Variants in FARS2 observed in about 807,000 individuals in gnomAD.
The protein encoded by FARS2 is phenylalanine--tRNA ligase, mitochondrial.
A neutral mutation model predicts 46.4 loss-of-function variants in FARS2; 40 were observed. That is an observed-to-expected ratio of 0.86 (90% CI 0.67 to 1.12). The LOEUF is 1.12. Among genes scored for constraint, FARS2 ranks in the 50% most tolerant of loss-of-function variants. The pLI, the probability that FARS2 is intolerant of heterozygous loss-of-function variation, is 0.00. For synonymous variants in FARS2, 234 were observed against 214.9 expected, an observed-to-expected ratio of 1.09 and a Z score of -0.78; for missense variants, 513 against 567.9, an observed-to-expected ratio of 0.90 and a Z score of 0.98.
chr6:5,407,055 ATATATATATAT>A (rs373058967), intron 3 of FARS2, among the ~76,000 whole-genome samples: 12 of 138,050 alleles, frequency 8.7e-5, no homozygotes, highest in South Asian at 7.4e-4. Context: ...ATATATATAT[ATATATATATAT>A]AATGACCAAT....
At chr6:5,300,278 G>C (rs1768204072) in intron 1 of FARS2, among the ~76,000 whole-genome samples, 1 of 152,178 alleles carries the variant, frequency 6.6e-6, no homozygotes, top group Non-Finnish European at 1.5e-5. Flanking sequence ...ATGTGTCTCT[G>C]TGTGTACATG....
At chr6:5,453,988 G>A (rs1326722272) in intron 4 of FARS2, among the ~76,000 whole-genome samples, 1 of 152,168 alleles carries the variant, frequency 6.6e-6, no homozygotes, top group Non-Finnish European at 1.5e-5. Flanking sequence ...GTTTAACAAG[G>A]AGGGATGCTT....
At chr6:5,302,061 C>T (rs1005380467) in intron 1 of FARS2, among the ~76,000 whole-genome samples, 1 of 152,202 alleles carries the variant, frequency 6.6e-6, no homozygotes, top group African/African-American at 2.4e-5. Flanking sequence ...TGCCCACCTA[C>T]CCTCTTTGTC....
At chr6:5,575,252 A>T (rs970564595) in intron 5 of FARS2, among the ~76,000 whole-genome samples, 1 of 152,342 alleles carries the variant, frequency 6.6e-6, no homozygotes, top group Non-Finnish European at 1.5e-5. Flanking sequence ...ACCATAGACC[A>T]TCACCTTGTT....
chr6:5,526,835 TC>T (rs1412496787), intron 4 of FARS2, among the ~76,000 whole-genome samples: 3 of 152,146 alleles, frequency 2.0e-5, no homozygotes, highest in Non-Finnish European at 4.4e-5. Flanking sequence ...CAGGCTGGTC[TC>T]AAACTCCTGA....
chr6:5,686,106 C>T (rs1235850243), intron 6 of FARS2, among the ~76,000 whole-genome samples: 1 of 152,144 alleles, frequency 6.6e-6, no homozygotes, highest in Non-Finnish European at 1.5e-5. Flanking sequence ...CATTTCTTAG[C>T]ACAGTGCCTG....
At chr6:5,739,016 C>T (rs1164853052) in intron 6 of FARS2, among the ~76,000 whole-genome samples, 1 of 152,206 alleles carries the variant, frequency 6.6e-6, no homozygotes, top group African/African-American at 2.4e-5. Context: ...CTTATCACAC[C>T]TGCTCTCCTT....
chr6:5,721,089 C>A (rs1266329342), intron 6 of FARS2, among the ~76,000 whole-genome samples: 6 of 152,102 alleles, frequency 3.9e-5, no homozygotes, highest in African/African-American at 1.4e-4. Context: ...TTAAGTAAAA[C>A]ATTTTAAAAG....
At chr6:5,444,092 CGTGTGTGTGT>C (rs35213574) in intron 4 of FARS2, among the ~76,000 whole-genome samples, 6 of 146,204 alleles carry the variant, frequency 4.1e-5, no homozygotes, top group East Asian at 2.0e-4. Flanking sequence ...GGAAGATCCT[CGTGTGTGTGT>C]GTGTGTGTGT....
intron 2 of FARS2, among the ~76,000 whole-genome samples, chr6:5,397,584 T>C (rs1019329790): frequency 6.6e-6 from 1 of 152,198 alleles, no homozygotes; most frequent in Non-Finnish European, 1.5e-5. Context: ...CCTCTCAGTT[T>C]TGCTGTGAAC....
rs550139178 is a variant in FARS2 at position 5,765,752 on chromosome 6, C to A, written c.1218-5539C>A. Reference sequence around the variant, plus strand: ...GAACAGTCCTTTGCTCAGCCGGCTCCTGGGTTTCTGCAGGACCTCAGCAGG... The same window carrying A: ...GAACAGTCCTTTGCTCAGCCGGCTCATGGGTTTCTGCAGGACCTCAGCAGG... On this transcript the variant is annotated intron_variant, in intron 6 of 6. Transcript: ENST00000274680. This position sits in a 1 kb window ranked among gnomAD's most constrained non-coding sequence, Gnocchi z 4.0. Among the ~76,000 whole-genome samples the A allele has an allele frequency of 6.6e-6, 1 of 152,186 alleles. No homozygotes were observed. Among genetic ancestry groups the A allele is most frequent in the Non-Finnish European group, 1.5e-5 (1 of 68,028 alleles).
intron 2 of FARS2, among the ~76,000 whole-genome samples, chr6:5,393,133 G>A (rs1760677497): frequency 6.6e-6 from 1 of 151,922 alleles, no homozygotes; most frequent in Non-Finnish European, 1.5e-5. Context: ...TACCTACATG[G>A]ATATACTAGT....
At chr6:5,738,102 C>T (rs149654018) in intron 6 of FARS2, among the ~76,000 whole-genome samples, 1 of 152,288 alleles carries the variant, frequency 6.6e-6, no homozygotes, top group African/African-American at 2.4e-5. Context: ...AGATGCACAC[C>T]ACCACGCCCA....
chr6:5,359,378 A>G (rs887200178), intron 1 of FARS2, among the ~76,000 whole-genome samples: 16 of 152,120 alleles, frequency 1.1e-4, no homozygotes, highest in Non-Finnish European at 1.6e-4. Context: ...GGCATGGTAT[A>G]TTGAGATAAT....
At chr6:5,260,505 C>T (rs1181025719), upstream of FARS2, 6 of 1,150,876 alleles carry the variant, frequency 5.2e-6, no homozygotes, top group African/African-American at 1.6e-5. Flanking sequence ...GCACGCTTTT[C>T]GATGGCGGAG....
chr6:5,299,293 A>G (rs988426277), intron 1 of FARS2, among the ~76,000 whole-genome samples: 13 of 152,132 alleles, frequency 8.5e-5, no homozygotes, highest in African/African-American at 3.1e-4. Flanking sequence ...TGCTTCCTAC[A>G]CTCCTGTGTA....
At chr6:5,375,712 C>G (rs1238280175) in intron 2 of FARS2, among the ~76,000 whole-genome samples, 1 of 152,040 alleles carries the variant, frequency 6.6e-6, no homozygotes, top group Non-Finnish European at 1.5e-5. Flanking sequence ...AGTGATATTT[C>G]ATATCACATA....
upstream of FARS2, among the ~76,000 whole-genome samples, chr6:5,257,374 ACCTTGTACAT>A (rs1481510869): frequency 4.6e-5 from 7 of 152,034 alleles, no homozygotes; most frequent in African/African-American, 1.7e-4. Context: ...TAGATTCCAC[ACCTTGTACAT>A]CCTTCTGTCA....
At chr6:5,404,468 G>T in intron 2 of FARS2, 74 bp from the exon 3 acceptor site, 1 of 995,020 alleles carries the variant, frequency 1.0e-6, no homozygotes, top group South Asian at 2.4e-5. Flanking sequence ...AAGATTCTTA[G>T]CAGAATTTTA....
Sources: gnomAD v4.1 joint callset for allele counts (sites outside exome capture counted in the v4.1 genomes callset) on GRCh38, gnomAD v4.1.1 for gene constraint, Gnocchi (gnomAD v3.1) non-coding constraint, MANE v1.5 for transcripts, NCBI Gene and HGNC (gene_info 2026-07-23, HGNC 2026-07-21) for gene names.